The following EFCAB6 variants were observed in gnomAD, a reference collection of about 807,000 sequenced individuals.
The protein encoded by EFCAB6 is EF-hand calcium binding domain 6.
A neutral mutation model predicts 169.8 loss-of-function variants in EFCAB6; 156 were observed. The ratio of observed to expected loss-of-function variants is 0.92; its 90% CI spans 0.81 to 1.05. EFCAB6 has a LOEUF of 1.05. Among genes scored for constraint, EFCAB6 ranks in the 50% least tolerant of loss-of-function variants. The pLI is 0.00. For synonymous variants in EFCAB6, 698 were observed against 676.4 expected (o/e 1.03, Z -0.50); for missense variants, 1,800 against 1,829.1 (o/e 0.98, Z 0.29).
intron 23 of EFCAB6, among the ~76,000 whole-genome samples, chr22:43,591,104 GTTTTTTGTTTTTT>G (rs1418004185): frequency 2.6e-4 from 27 of 104,426 alleles, no homozygotes; most frequent in South Asian, 1.4e-3. Flanking sequence ...GTTGTTTTTT[GTTTTTTGTTTTTT>G]TTTTTTGTTT....
At chr22:43,736,522 T>C (rs1044057934) in intron 6 of EFCAB6, among the ~76,000 whole-genome samples, 6 of 152,182 alleles carry the variant, frequency 3.9e-5, no homozygotes, top group Admixed American at 2.6e-4. Context: ...GACATTAGGA[T>C]AGGCCCTGTG....
chr22:43,591,891 C>G (rs2051582760), intron 23 of EFCAB6, among the ~76,000 whole-genome samples: 1 of 152,138 alleles, frequency 6.6e-6, no homozygotes, highest in African/African-American at 2.4e-5. Flanking sequence ...CTATGGTGGA[C>G]TGGCTGTAAA....
intron 10 of EFCAB6, among the ~76,000 whole-genome samples, chr22:43,695,335 C>G (rs1415574823): frequency 6.6e-6 from 1 of 151,868 alleles, no homozygotes; most frequent in Non-Finnish European, 1.5e-5. Flanking sequence ...AAAACTTTGA[C>G]TAGGAAAATT....
intron 24 of EFCAB6, among the ~76,000 whole-genome samples, chr22:43,581,514 A>G (rs1602406451): frequency 6.6e-6 from 1 of 152,378 alleles, no homozygotes; most frequent in Non-Finnish European, 1.5e-5. Context: ...CAAAAGTCTC[A>G]CGGAACATAT....
chr22:43,673,666 G>A (rs910942372), intron 13 of EFCAB6, among the ~76,000 whole-genome samples: 2 of 152,144 alleles, frequency 1.3e-5, no homozygotes, highest in African/African-American at 4.8e-5. Flanking sequence ...TATAATCCCA[G>A]CTACTCGGGA....
intron 22 of EFCAB6, among the ~76,000 whole-genome samples, chr22:43,607,788 C>T (rs1006663616): frequency 5.9e-5 from 9 of 152,100 alleles, no homozygotes; most frequent in African/African-American, 9.7e-5. Context: ...CAGGTGACTA[C>T]GGACATATAA....
chr22:43,760,553 A>G lies in EFCAB6; in HGVS notation c.441-4721T>C, dbSNP rs187203794. Reference sequence around the variant, plus strand: ...GCCCTGTTTTTTCTCTTATACTGCTATGGGTTGAAGGTGTTCCTCCAAAAT... The same window carrying G: ...GCCCTGTTTTTTCTCTTATACTGCTGTGGGTTGAAGGTGTTCCTCCAAAAT... On this transcript the variant is annotated intron_variant, in intron 5 of 31. Transcript: ENST00000262726. Among the ~76,000 whole-genome samples the G allele has an allele frequency of 6.6e-4, 101 of 152,122 alleles. 3 individuals carry two copies. The highest frequency in any genetic ancestry group is 6.5e-3 in the Admixed American group (99 of 15,284).
intron 5 of EFCAB6, among the ~76,000 whole-genome samples, chr22:43,758,582 TA>T (rs1024663660): frequency 6.6e-6 from 1 of 152,200 alleles, no homozygotes; most frequent in African/African-American, 2.4e-5. Context: ...ACTTTTTATT[TA>T]ACACACATAG....
At chr22:43,550,367 TATC>T (rs1449361235) in intron 27 of EFCAB6, among the ~76,000 whole-genome samples, 1 of 152,064 alleles carries the variant, frequency 6.6e-6, no homozygotes, top group Non-Finnish European at 1.5e-5. Flanking sequence ...GTTTTAGAAA[TATC>T]ATGTCTAAAA....
chr22:43,592,300 C>T (rs1285428174), intron 23 of EFCAB6, among the ~76,000 whole-genome samples: 1 of 152,156 alleles, frequency 6.6e-6, no homozygotes, highest in Non-Finnish European at 1.5e-5. Flanking sequence ...GCAGGAACCG[C>T]TCTGTGCATG....
At chr22:43,657,616 G>C (rs1198321618) in intron 17 of EFCAB6, among the ~76,000 whole-genome samples, 1 of 152,106 alleles carries the variant, frequency 6.6e-6, no homozygotes, top group Non-Finnish European at 1.5e-5. Context: ...CAGGGCAATG[G>C]AGAGCCACAA....
intron 26 of EFCAB6, among the ~76,000 whole-genome samples, chr22:43,560,475 T>C (rs1478000866): frequency 6.6e-6 from 1 of 152,194 alleles, no homozygotes; most frequent in Admixed American, 6.5e-5. Context: ...CTGTTTGTTA[T>C]AGCATTATAA....
At chr22:43,544,403 G>A (rs2047923074) in intron 27 of EFCAB6, among the ~76,000 whole-genome samples, 1 of 152,164 alleles carries the variant, frequency 6.6e-6, no homozygotes, top group Non-Finnish European at 1.5e-5. Flanking sequence ...TACAGAGGCT[G>A]GGCAGCTAGA....
At chr22:43,587,537 G>C (rs1021792898) in intron 24 of EFCAB6, among the ~76,000 whole-genome samples, 1 of 152,146 alleles carries the variant, frequency 6.6e-6, no homozygotes, top group East Asian at 1.9e-4. Flanking sequence ...TCCCTGGCTT[G>C]TGGCCACATC....
chr22:43,722,437 A>AAG (rs1329678947), intron 8 of EFCAB6, among the ~76,000 whole-genome samples: 1 of 152,018 alleles, frequency 6.6e-6, no homozygotes, highest in Non-Finnish European at 1.5e-5. Flanking sequence ...AGGCTGAGGC[A>AAG]GAAGAATCGC....
At chr22:43,683,973 C>T in intron 11 of EFCAB6, 118 bp from the exon 12 acceptor site, 1 of 717,442 alleles carries the variant, frequency 1.4e-6, no homozygotes, top group Non-Finnish European at 2.4e-6. Flanking sequence ...CTGTGCGTGG[C>T]TCTTTTTCCT....
chr22:43,767,061 A>C (rs997738539), intron 4 of EFCAB6, among the ~76,000 whole-genome samples: 1 of 152,234 alleles, frequency 6.6e-6, no homozygotes, highest in African/African-American at 2.4e-5. Context: ...TAAACATTAA[A>C]TAAATATACA....
At chr22:43,794,991 G>C (rs920695698) in intron 2 of EFCAB6, among the ~76,000 whole-genome samples, 6 of 152,106 alleles carry the variant, frequency 3.9e-5, no homozygotes, top group Non-Finnish European at 8.8e-5. Flanking sequence ...CTATGGCCAC[G>C]CATTTGGGAC....
intron 20 of EFCAB6, among the ~76,000 whole-genome samples, chr22:43,622,588 A>AT (rs2054186715): frequency 6.6e-6 from 1 of 152,032 alleles, no homozygotes; most frequent in Non-Finnish European, 1.5e-5. Flanking sequence ...GCAAACAAAA[A>AT]CAAACAAACT....
Sources: allele counts gnomAD v4.1 joint callset (sites outside exome capture counted in the v4.1 genomes callset), GRCh38; gene constraint gnomAD v4.1.1; transcripts MANE v1.5; gene names NCBI Gene and HGNC (gene_info 2026-07-23, HGNC 2026-07-21).